Variants in CTBP2 observed in about 807,000 individuals in gnomAD.
CTBP2 encodes C-terminal-binding protein 2.
Under a neutral mutation model 80.3 loss-of-function variants are expected in CTBP2, and 30 were observed. The observed-to-expected ratio is 0.37, with a 90% CI of 0.28 to 0.51. The LOEUF (loss-of-function observed/expected upper bound fraction) is 0.51, where lower values mean the gene tolerates loss of function less well. Among genes scored for constraint, CTBP2 ranks in the 20% least tolerant of loss-of-function variants. The pLI, the probability that CTBP2 is intolerant of heterozygous loss-of-function variation, is 0.93. For synonymous variants in CTBP2, 594 were observed against 587.4 expected (o/e 1.01, Z -0.16); for missense variants, 1,212 against 1,375.3 (o/e 0.88, Z 1.88).
Position 125,059,964 on chromosome 10 carries a change from G to A in CTBP2, c.-101-20809C>T, listed in dbSNP as rs370433734. ...AAAAGGCTCACCTGCAGGACCTCGC[G>A]GGTTAGCCACGAGTCTGACACACCT... On this transcript the variant is annotated intron_variant, in intron 2 of 10. Transcript: ENST00000337195. Among the ~76,000 whole-genome samples, 14 of 152,268 alleles carry A rather than the reference G, an allele frequency of 9.2e-5. No individual in the cohort carries two copies. In the East Asian group the frequency reaches 9.6e-4, roughly 10 times the overall value.
At chr10:125,020,210 A>C (rs1368333809) in intron 1 of CTBP2, among the ~76,000 whole-genome samples, 5 of 152,206 alleles carry the variant, frequency 3.3e-5, no homozygotes, top group Non-Finnish European at 4.4e-5. Context: ...CAGAGGAGCA[A>C]CAATCCCTGG....
chr10:125,059,793 C>T (rs1361060546), intron 2 of CTBP2, among the ~76,000 whole-genome samples: 1 of 152,156 alleles, frequency 6.6e-6, no homozygotes, highest in Non-Finnish European at 1.5e-5. Context: ...CCCCCACCAG[C>T]TCCAGGAGGC....
chr10:125,098,657 G>GGAGAGAGAGAGA (rs565818097), intron 2 of CTBP2, among the ~76,000 whole-genome samples: 13 of 44,994 alleles, frequency 2.9e-4, no homozygotes, highest in Non-Finnish European at 4.5e-4. Context: ...TGGGGGAGGG[G>GGAGAGAGAGAGA]GAGAGAGAGA....
At chr10:125,020,060 G>A (rs1457575605) in intron 1 of CTBP2, among the ~76,000 whole-genome samples, 2 of 152,198 alleles carry the variant, frequency 1.3e-5, no homozygotes, top group Non-Finnish European at 2.9e-5. Context: ...GGGCCCATTG[G>A]TTGTTTTTAT....
intron 1 of CTBP2, among the ~76,000 whole-genome samples, chr10:125,126,741 C>T (rs899859662): frequency 4.6e-5 from 7 of 151,686 alleles, no homozygotes; most frequent in Admixed American, 1.3e-4. Context: ...CACCACCCCC[C>T]GCTATACAGA....
chr10:125,142,178 G>A (rs1457631015), intron 1 of CTBP2, among the ~76,000 whole-genome samples: 2 of 152,154 alleles, frequency 1.3e-5, no homozygotes, highest in Non-Finnish European at 2.9e-5. Flanking sequence ...GCTGGTTTCA[G>A]ACACGACTCA....
At chr10:125,090,764 A>G (rs536641803) in intron 2 of CTBP2, among the ~76,000 whole-genome samples, 3 of 151,958 alleles carry the variant, frequency 2.0e-5, no homozygotes, top group East Asian at 3.9e-4. Context: ...AAAAAAAAAA[A>G]TAAATAAATA....
In CTBP2 at chr10:125,026,970, T is replaced by G; in HGVS notation, c.790A>C (p.Ile264Leu). The G allele has an allele frequency of 6.2e-7, 1 of 1,614,074 alleles. No individual in the cohort carries two copies. Among genetic ancestry groups the G allele is most frequent in the Non-Finnish European group, 8.5e-7 (1 of 1,180,018 alleles). ...GTCTCGTAAGCCATCTTGGATGGGA[T>G]GCTTTCCCGGGCAGGCCCGTAGCCA... Residue 264 changes from isoleucine to leucine, a missense_variant, in exon 1 of 9, where the codon ATC (isoleucine) becomes CTC (leucine). Physicochemically the swap from Ile to Leu is conservative, Grantham distance 5. Coordinates refer to ENST00000309035, the MANE Select transcript of CTBP2 (RefSeq NM_022802.3).
At chr10:125,017,761 C>T (rs1956636809) in intron 1 of CTBP2, among the ~76,000 whole-genome samples, 1 of 152,224 alleles carries the variant, frequency 6.6e-6, no homozygotes, top group Non-Finnish European at 1.5e-5. Context: ...GTCTTGAGGG[C>T]AGCAGCTGGA....
At chr10:125,080,024 G>T (rs1846935260) in intron 2 of CTBP2, among the ~76,000 whole-genome samples, 3 of 152,290 alleles carry the variant, frequency 2.0e-5, no homozygotes, top group African/African-American at 7.2e-5. Context: ...GCATTTAAGT[G>T]ATCCTGTCAA....
chr10:125,103,942 G>T (rs996829241), intron 2 of CTBP2, among the ~76,000 whole-genome samples: 1 of 152,172 alleles, frequency 6.6e-6, no homozygotes, highest in Admixed American at 6.5e-5. Context: ...AATTTTTCAA[G>T]GAGTTGCAGG....
chr10:125,051,990 C>T (rs1962887280), intron 2 of CTBP2, among the ~76,000 whole-genome samples: 1 of 152,226 alleles, frequency 6.6e-6, no homozygotes, highest in Non-Finnish European at 1.5e-5. Flanking sequence ...CCTGCGGATG[C>T]CTTATCTCAG....
intron 1 of CTBP2, chr10:125,137,867 T>TCA (rs1857200498): frequency 6.6e-6 from 1 of 152,084 alleles, no homozygotes; most frequent in African/African-American, 2.4e-5. Flanking sequence ...GAGGTAAGGC[T>TCA]CACAAAACAT....
At chr10:125,081,045 A>G (rs142421071) in intron 2 of CTBP2, among the ~76,000 whole-genome samples, 1,816 of 152,236 alleles carry the variant, frequency 0.012, 36 homozygotes, top group African/African-American at 0.041. Context: ...AACCCCACCA[A>G]TAATAAGATA....
rs1370151559 is a variant in CTBP2, at chr10:124,986,361, CCTT to C, written c.*3154_*3156del. 6.6e-6 allele frequency: 1 copy of C among 151,374 alleles called. No homozygotes were observed. Among genetic ancestry groups the C allele is most frequent in the Non-Finnish European group, 1.5e-5 (1 of 67,808 alleles). 9.4% of individuals were successfully genotyped at this position (151,374 alleles called of 1,614,324 possible). A position where few individuals can be genotyped will look rare whatever the true frequency, so the allele number is the denominator to read the frequency against. ...CCTGTGATGAAAAAGGCTGTGAAAA[CCTT>C]AAAGTATTTGCTTGCTTCTTGTTTT... On this transcript the variant is annotated 3_prime_UTR_variant, in exon 9 of 9. Coordinates refer to ENST00000309035, the MANE Select transcript of CTBP2 (RefSeq NM_022802.3).
At chr10:125,010,545 A>C (rs770232411) in intron 1 of CTBP2, among the ~76,000 whole-genome samples, 20 of 152,114 alleles carry the variant, frequency 1.3e-4, no homozygotes, top group Non-Finnish European at 2.2e-4. Flanking sequence ...CGCAACCCTT[A>C]TCTCTCTTTC....
rs560334994 is a variant in CTBP2, at chr10:125,026,926, G to T, written c.834C>A (p.Ser278=). ...TCTTGCCACCAGGACCCTGGAAGGT[G>T]GACAGGTCAGCTTCGTAAGTCTCGT... Residue 278 remains serine, a synonymous_variant, in exon 1 of 9, where the codon TCC becomes TCA. Coordinates refer to ENST00000309035, the MANE Select transcript of CTBP2 (RefSeq NM_022802.3). 225 of 1,614,076 alleles carry T rather than the reference G, an allele frequency of 1.4e-4. 6 individuals carry two copies. In the South Asian group the frequency reaches 2.4e-3, roughly 17 times the overall value.
chr10:125,076,621 C>G (rs1383446584), intron 2 of CTBP2, among the ~76,000 whole-genome samples: 2 of 152,192 alleles, frequency 1.3e-5, no homozygotes, highest in African/African-American at 4.8e-5. Flanking sequence ...ACTTCACTTT[C>G]CGAGTTCTCC....
At chr10:125,049,747 T>G (rs1299597397) in intron 2 of CTBP2, among the ~76,000 whole-genome samples, 1 of 151,938 alleles carries the variant, frequency 6.6e-6, no homozygotes, top group Non-Finnish European at 1.5e-5. Context: ...GGAGAGATTA[T>G]CTCAAAAACA....
Sources: gnomAD v4.1 joint callset for allele counts (sites outside exome capture counted in the v4.1 genomes callset) on GRCh38, gnomAD v4.1.1 for gene constraint, MANE v1.5 for transcripts, NCBI Gene and HGNC (gene_info 2026-07-23, HGNC 2026-07-21) for gene names.